Variants in ACOT7 observed in about 807,000 individuals in gnomAD.
ACOT7 encodes acyl-CoA thioesterase 7.
ACOT7 carries 12 observed loss-of-function variants against 40.2 expected under a neutral mutation model. That is an observed-to-expected ratio of 0.30 (90% CI 0.19 to 0.48). The LOEUF is 0.48. ACOT7 is among the 20% of genes least tolerant of loss of function. The probability of loss-of-function intolerance (pLI) is 0.99; values close to 1 mark genes in which losing one functional copy is unlikely to be tolerated. For synonymous variants in ACOT7, 228 were observed against 219.5 expected (o/e 1.04, Z -0.34); for missense variants, 395 against 530.8 (o/e 0.74, Z 2.51).
chr1:6,326,329 TC>T (rs1640797988), intron 5 of ACOT7, among the ~76,000 whole-genome samples: 1 of 152,186 alleles, frequency 6.6e-6, no homozygotes, highest in Admixed American at 6.5e-5. Flanking sequence ...CTGAATTGTT[TC>T]TAGGAACGCG....
chr1:6,369,191 G>A (rs1642078734), intron 1 of ACOT7, among the ~76,000 whole-genome samples: 1 of 151,910 alleles, frequency 6.6e-6, no homozygotes, highest in Admixed American at 6.6e-5. Flanking sequence ...ATGTTGGCCA[G>A]GCTGGTCTCG....
chr1:6,387,467 A>G (rs187277480), intron 1 of ACOT7, among the ~76,000 whole-genome samples: 43 of 152,224 alleles, frequency 2.8e-4, no homozygotes, highest in Non-Finnish European at 8.8e-5. Context: ...AGTACTGTTC[A>G]CATGCAGAAA....
At chr1:6,377,833 A>T (rs968709456) in intron 1 of ACOT7, among the ~76,000 whole-genome samples, 1 of 152,136 alleles carries the variant, frequency 6.6e-6, no homozygotes, top group African/African-American at 2.4e-5. Flanking sequence ...CACTTTGGTA[A>T]GCCTAGGCGG....
At chr1:6,382,311 G>A (rs1489789806) in intron 1 of ACOT7, among the ~76,000 whole-genome samples, 2 of 151,724 alleles carry the variant, frequency 1.3e-5, no homozygotes, top group African/African-American at 2.4e-5. Context: ...GGCTGAGGCA[G>A]AAGAATCGCT....
intron 1 of ACOT7, among the ~76,000 whole-genome samples, chr1:6,354,804 C>T (rs866719102): frequency 8.1e-6 from 1 of 123,906 alleles, no homozygotes; most frequent in Non-Finnish European, 1.7e-5. Flanking sequence ...TGGCCTCTAG[C>T]CCTCCCATGG....
At position 6,338,534 on chromosome 1, in the gene ACOT7, C is replaced by T. The variant is rs966862418; in HGVS notation, c.418+899G>A. Among the ~76,000 whole-genome samples the T allele has an allele frequency of 2.0e-5, 3 of 152,194 alleles. No homozygotes were observed. The highest frequency in any genetic ancestry group is 6.5e-5 in the Admixed American group (1 of 15,288). On this transcript the variant is annotated intron_variant, in intron 3 of 8. Transcript: ENST00000361521. This position sits in a 1 kb window ranked among gnomAD's most constrained non-coding sequence, Gnocchi z 4.4. Reference sequence around the variant, plus strand: ...TGCTCAGCTCCATCTGCCCACCTGCCGGAGCTGGGCTGACACAGCCATTCT... The same window carrying T: ...TGCTCAGCTCCATCTGCCCACCTGCTGGAGCTGGGCTGACACAGCCATTCT...
chr1:6,346,267 A>C (rs1331091670), intron 2 of ACOT7, among the ~76,000 whole-genome samples: 4 of 152,162 alleles, frequency 2.6e-5, no homozygotes, highest in Non-Finnish European at 5.9e-5. Flanking sequence ...ACACCTGGCT[A>C]ATTTTTGTAG....
chr1:6,318,637 G>C (rs1640560459), intron 5 of ACOT7, 59 bp from the exon 6 acceptor site: 3 of 1,559,082 alleles, frequency 1.9e-6, no homozygotes, highest in East Asian at 2.3e-5. Flanking sequence ...CAGCTGAATG[G>C]TCTGGCAATG....
chr1:6,374,231 G>C (rs566131967), intron 1 of ACOT7, among the ~76,000 whole-genome samples: 4 of 152,328 alleles, frequency 2.6e-5, no homozygotes, highest in African/African-American at 9.6e-5. Flanking sequence ...AGAGGCGGGA[G>C]GGAGGTGGCC....
At chr1:6,339,739 GT>G (rs57275707) in intron 2 of ACOT7, 150 bp from the exon 3 acceptor site, 32,389 of 521,682 alleles carry the variant, frequency 0.062, 30 homozygotes, top group East Asian at 0.085. Flanking sequence ...TGGCACCGCG[GT>G]TTTTTTTTTT....
intron 7 of ACOT7, among the ~76,000 whole-genome samples, chr1:6,290,214 C>G (rs1278439058): frequency 6.6e-6 from 1 of 152,212 alleles, no homozygotes; most frequent in Non-Finnish European, 1.5e-5. Context: ...TGGTAGGATG[C>G]AGCCTGCAGA....
chr1:6,374,084 G>A (rs1417692916), intron 1 of ACOT7, among the ~76,000 whole-genome samples: 2 of 152,152 alleles, frequency 1.3e-5, no homozygotes, highest in African/African-American at 4.8e-5. Flanking sequence ...TTCTACTTGA[G>A]GCACTTACTC....
At chr1:6,333,288 C>G (rs1641010692) in intron 4 of ACOT7, among the ~76,000 whole-genome samples, 189 bp downstream of exon 4, 1 of 152,262 alleles carries the variant, frequency 6.6e-6, no homozygotes, top group East Asian at 1.9e-4. Flanking sequence ...GACAGAAACT[C>G]CTGTGGAGCC....
intron 1 of ACOT7, among the ~76,000 whole-genome samples, chr1:6,354,328 A>G (rs140211760): frequency 1.3e-5 from 2 of 152,342 alleles, no homozygotes; most frequent in East Asian, 1.9e-4. Flanking sequence ...AGGGTGAGCC[A>G]GGAGCAGAGG....
At chr1:6,320,280 C>T (rs1008751964) in intron 5 of ACOT7, among the ~76,000 whole-genome samples, 5 of 152,230 alleles carry the variant, frequency 3.3e-5, no homozygotes, top group Non-Finnish European at 5.9e-5. Context: ...TCGCCCACTG[C>T]TATCCTGGGG....
rs1326623781 is a variant in ACOT7, at chr1:6,282,342, C to T, written c.830-1056G>A. 6.6e-6 allele frequency among the ~76,000 whole-genome samples: 1 copy of T among 152,142 alleles called. No homozygotes were observed. ...TGGGGCCCCGGGAAGGTGTCACCATCGATGTCACTGGCCACCAGGCTGCAG... is the reference window on the plus strand; with the variant it reads ...TGGGGCCCCGGGAAGGTGTCACCATTGATGTCACTGGCCACCAGGCTGCAG... On this transcript the variant is annotated intron_variant, in intron 7 of 8. Coordinates refer to ENST00000361521, the MANE Select transcript of ACOT7 (RefSeq NM_007274.4). The surrounding 1 kb of genome is among the most constrained non-coding windows in gnomAD (Gnocchi z 4.5).
rs148631287 is a variant in ACOT7, at chr1:6,333,694, C to CA, written c.419-127dup. On this transcript the variant is annotated intron_variant, in intron 3 of 8. Coordinates refer to ENST00000361521, the MANE Select transcript of ACOT7 (RefSeq NM_007274.4). ...ACCTGAAACACACCACAGTGTGCAC[C>CA]ACCTCTCTGGCCCCCAACCCCCAAG... 7.0e-3 allele frequency: 6,297 copies of CA among 899,026 alleles called. 313 individuals are homozygous for CA. The African/African-American group carries it at 0.094, about 13-fold the overall frequency. 55.7% of individuals were successfully genotyped at this position (899,026 alleles called of 1,614,324 possible). A position where few individuals can be genotyped will look rare whatever the true frequency, so the allele number is the denominator to read the frequency against.
intron 1 of ACOT7, among the ~76,000 whole-genome samples, chr1:6,388,052 T>C (rs1328559574): frequency 6.6e-6 from 1 of 151,302 alleles, no homozygotes; most frequent in African/African-American, 2.4e-5. Context: ...GCGATTCTCC[T>C]GCCTCAGCTT....
intron 4 of ACOT7, among the ~76,000 whole-genome samples, chr1:6,332,838 C>CA (rs200601036): frequency 0.09 from 13,093 of 146,168 alleles, 973 homozygotes; most frequent in African/African-American, 0.21. Flanking sequence ...CAAAAAAAAA[C>CA]AAAAAAAACA....
Sources: allele counts gnomAD v4.1 joint callset (sites outside exome capture counted in the v4.1 genomes callset), GRCh38; gene constraint gnomAD v4.1.1; non-coding constraint Gnocchi (gnomAD v3.1); transcripts MANE v1.5; gene names NCBI Gene and HGNC (gene_info 2026-07-23, HGNC 2026-07-21).